Variants in TLN2 observed in about 807,000 individuals in gnomAD.
The protein encoded by TLN2 is talin 2, also known as talin-2.
In TLN2, 118 loss-of-function variants were observed where a neutral mutation model predicts 294.7. The ratio of observed to expected loss-of-function variants is 0.40; its 90% CI spans 0.34 to 0.47. TLN2 has a LOEUF of 0.47. Ranked by LOEUF, TLN2 falls within the 20% of genes least tolerant of loss-of-function variation. The probability of loss-of-function intolerance (pLI) is 0.84; values close to 1 mark genes in which losing one functional copy is unlikely to be tolerated. For synonymous variants in TLN2, 1,431 were observed against 1,304.5 expected (o/e 1.10, Z -2.09); for missense variants, 3,083 against 3,282.2 (o/e 0.94, Z 1.48).
chr15:62,786,089 A>G (rs1179182035), intron 45 of TLN2, among the ~76,000 whole-genome samples: 3 of 152,224 alleles, frequency 2.0e-5, no homozygotes, highest in Non-Finnish European at 4.4e-5. Context: ...TAAAATTTCC[A>G]GTGGCTTGCT....
chr15:62,832,234 C>T (rs973026092), intron 54 of TLN2: 2 of 151,422 alleles, frequency 1.3e-5, no homozygotes, highest in African/African-American at 2.4e-5. Context: ...TCCGTAATGC[C>T]ACTGAATTGT....
At chr15:62,788,344 A>G (rs2064844616) in intron 45 of TLN2, among the ~76,000 whole-genome samples, 1 of 152,188 alleles carries the variant, frequency 6.6e-6, no homozygotes, top group African/African-American at 2.4e-5. Context: ...CCTTTCAAGG[A>G]TGTTCCCCTA....
chr15:62,712,201 C>A, intron 22 of TLN2, 124 bp downstream of exon 22: 1 of 1,149,946 alleles, frequency 8.7e-7, no homozygotes, highest in Non-Finnish European at 1.2e-6. Context: ...ACCTATATGG[C>A]TTGTAACATC....
intron 9 of TLN2, among the ~76,000 whole-genome samples, chr15:62,660,337 G>A (rs138946856): frequency 1.7e-3 from 264 of 152,296 alleles, no homozygotes; most frequent in Admixed American, 4.4e-3. Flanking sequence ...ATCAGAGCTT[G>A]AAAGATTTTC....
At chr15:62,665,525 C>A (rs1351242062) in intron 9 of TLN2, among the ~76,000 whole-genome samples, 1 of 152,180 alleles carries the variant, frequency 6.6e-6, no homozygotes, top group East Asian at 1.9e-4. Context: ...TGTCCAAGGG[C>A]TGAGTGTGGG....
At chr15:62,421,513 T>G (rs1274748535) in intron 1 of TLN2, among the ~76,000 whole-genome samples, 3 of 152,208 alleles carry the variant, frequency 2.0e-5, no homozygotes, top group Non-Finnish European at 4.4e-5. Context: ...AATGAGATCA[T>G]GTCCTTTGCA....
chr15:62,396,941 G>T (rs1042979726), intron 1 of TLN2, among the ~76,000 whole-genome samples: 3 of 152,154 alleles, frequency 2.0e-5, no homozygotes, highest in Non-Finnish European at 4.4e-5. Flanking sequence ...TTGGGCTCAG[G>T]CAGTCCACCT....
intron 1 of TLN2, among the ~76,000 whole-genome samples, chr15:62,583,001 A>G (rs1029639571): frequency 6.6e-6 from 1 of 152,172 alleles, no homozygotes; most frequent in African/African-American, 2.4e-5. Flanking sequence ...TCTTTCCTCC[A>G]TTGCCTCCTT....
At chr15:62,568,513 T>C (rs2043599937) in intron 1 of TLN2, among the ~76,000 whole-genome samples, 1 of 152,168 alleles carries the variant, frequency 6.6e-6, no homozygotes, top group South Asian at 2.1e-4. Flanking sequence ...GTAGTCCTCT[T>C]CAGAATGTTG....
chr15:62,647,308 A>C lies in TLN2; in HGVS notation c.-3A>C, dbSNP rs774273131. 29 of 1,613,638 alleles carry C rather than the reference A, an allele frequency of 1.8e-5. No homozygotes were observed. The South Asian group carries it at 3.2e-4, about 18-fold the overall frequency. ...AGTGAGACTGTCCACATCATCTAGGAAAATGGTGGCCCTGTCCTTAAAGAT... is the reference window on the plus strand; with the variant it reads ...AGTGAGACTGTCCACATCATCTAGGCAAATGGTGGCCCTGTCCTTAAAGAT... On this transcript the variant is annotated 5_prime_UTR_variant, in exon 4 of 59. Coordinates refer to ENST00000636159, the MANE Select transcript of TLN2 (RefSeq NM_015059.3).
chr15:62,568,561 G>A (rs1392063533), intron 1 of TLN2, among the ~76,000 whole-genome samples: 2 of 152,210 alleles, frequency 1.3e-5, no homozygotes, highest in Non-Finnish European at 2.9e-5. Flanking sequence ...TGCTCAGTCT[G>A]TGTTAGCAAC....
intron 32 of TLN2, among the ~76,000 whole-genome samples, chr15:62,745,160 C>T (rs1346965451): frequency 6.6e-6 from 1 of 152,208 alleles, no homozygotes; most frequent in Non-Finnish European, 1.5e-5. Context: ...AATGTTTTAC[C>T]TTAACCCTTT....
intron 11 of TLN2, among the ~76,000 whole-genome samples, chr15:62,677,424 A>T (rs541049089): frequency 6.6e-6 from 1 of 152,376 alleles, no homozygotes; most frequent in African/African-American, 2.4e-5. Flanking sequence ...GTAGGTCAGT[A>T]AATTTAGGAT....
rs145166134 is a variant in TLN2, at chr15:62,479,173, G to A, written c.-238+88488G>A. Among the ~76,000 whole-genome samples the A allele has an allele frequency of 8.2e-4, 125 of 152,272 alleles. 1 individual carries two copies. The highest frequency in any genetic ancestry group is 1.1e-3 in the Non-Finnish European group (72 of 68,020). On this transcript the variant is annotated intron_variant, in intron 1 of 58. Coordinates refer to ENST00000636159, the MANE Select transcript of TLN2 (RefSeq NM_015059.3). Reference sequence around the variant, plus strand: ...CATCTAGTCAAGCCTCTGGAGCTTGGGGGAGCTGGATTCAAATCCCAGCTC... The same window carrying A: ...CATCTAGTCAAGCCTCTGGAGCTTGAGGGAGCTGGATTCAAATCCCAGCTC...
intron 19 of TLN2, among the ~76,000 whole-genome samples, chr15:62,704,363 G>A (rs576966091): frequency 8.5e-5 from 13 of 152,182 alleles, no homozygotes; most frequent in Middle Eastern, 3.4e-3. Flanking sequence ...TTTTATAGAC[G>A]GAACAAAAAG....
intron 1 of TLN2, among the ~76,000 whole-genome samples, chr15:62,400,095 TAGTA>T (rs750944733): frequency 6.6e-5 from 10 of 152,294 alleles, no homozygotes; most frequent in African/African-American, 2.2e-4. Context: ...GTTCTTCTGA[TAGTA>T]AGTGAGATCT....
intron 1 of TLN2, among the ~76,000 whole-genome samples, chr15:62,587,435 C>T (rs1161601569): frequency 1.3e-5 from 2 of 152,152 alleles, no homozygotes; most frequent in Non-Finnish European, 2.9e-5. Flanking sequence ...CTCTGGACAT[C>T]CAAGAATACA....
At position 62,414,199 on chromosome 15, in the gene TLN2, GAAATT is replaced by G. The variant is rs775220844; in HGVS notation, c.-238+23519_-238+23523del. ...ATATATATATATATATATAATTTGAGAAATTAAATCCTTTTAGATGATAGTAGGAA... is the reference window on the plus strand; with the variant it reads ...ATATATATATATATATATAATTTGAGAAATCCTTTTAGATGATAGTAGGAA... On this transcript the variant is annotated intron_variant, in intron 1 of 58. Transcript: ENST00000636159. 4.0e-3 allele frequency among the ~76,000 whole-genome samples: 392 copies of G among 97,016 alleles called. 9 individuals carry two copies. The highest frequency in any genetic ancestry group is 6.8e-3 in the Non-Finnish European group (314 of 46,378). The allele number at this position is 97,016 out of a possible 152,430, so 63.6% of individuals were successfully genotyped here. A position where few individuals can be genotyped will look rare whatever the true frequency, so the allele number is the denominator to read the frequency against.
intron 55 of TLN2, chr15:62,834,585 C>G (rs16945848): frequency 6.6e-6 from 1 of 152,086 alleles, no homozygotes; most frequent in Non-Finnish European, 1.5e-5. Context: ...CTTGAATTCT[C>G]TTTCTAAACC....
Sources: allele counts gnomAD v4.1 joint callset (sites outside exome capture counted in the v4.1 genomes callset), GRCh38; gene constraint gnomAD v4.1.1; transcripts MANE v1.5; gene names NCBI Gene and HGNC (gene_info 2026-07-23, HGNC 2026-07-21).